Variants in OSTN observed in about 807,000 individuals in gnomAD.
OSTN encodes osteocrin.
OSTN carries 9 observed loss-of-function variants against 12.0 expected under a neutral mutation model. The ratio of observed to expected loss-of-function variants is 0.75; its 90% CI spans 0.45 to 1.30. The LOEUF is 1.30. Among genes scored for constraint, OSTN ranks in the 50% most tolerant of loss-of-function variants. OSTN has a pLI of 0.00. For missense variants in OSTN, 148 were observed against 152.3 expected, an observed-to-expected ratio of 0.97 and a Z score of 0.15; for synonymous variants, 59 against 56.9, an observed-to-expected ratio of 1.04 and a Z score of -0.16.
Position 191,242,834 on chromosome 3 carries a change from C to T in OSTN, c.318-7203C>T, listed in dbSNP as rs139082616. Among the ~76,000 whole-genome samples, 655 of 151,996 alleles carry T rather than the reference C, an allele frequency of 4.3e-3. 17 individuals are homozygous for T. Among genetic ancestry groups the T allele is most frequent in the Admixed American group, 0.037 (571 of 15,282 alleles). On this transcript the variant is annotated intron_variant, in intron 3 of 4. Coordinates refer to ENST00000682035, the MANE Select transcript of OSTN (RefSeq NM_198184.2). ...ATGCAAAAATATTGATGTTTTAAAA[C>T]CACATCAAAGATTTTTTAAAAAATC...
At chr3:191,213,399 A>C (rs912336804) in intron 2 of OSTN, 2 of 152,328 alleles carry the variant, frequency 1.3e-5, no homozygotes, top group East Asian at 3.9e-4. Context: ...GGAGCAAGCC[A>C]GTTATCTAAA....
intron 3 of OSTN, among the ~76,000 whole-genome samples, chr3:191,241,736 G>T (rs760672872): frequency 1.3e-5 from 2 of 152,112 alleles, no homozygotes; most frequent in African/African-American, 4.8e-5. Flanking sequence ...AATTTTCAAC[G>T]AAGTGCTATT....
chr3:191,228,842 T>C (rs1714978680), intron 3 of OSTN: 1 of 152,196 alleles, frequency 6.6e-6, no homozygotes, highest in East Asian at 1.9e-4. Context: ...CTTTATACAA[T>C]TATTATGGCT....
At chr3:191,232,506 CTA>C (rs150235705) in intron 3 of OSTN, among the ~76,000 whole-genome samples, 45 of 146,338 alleles carry the variant, frequency 3.1e-4, no homozygotes, top group Admixed American at 6.8e-4. Flanking sequence ...AAAGTAAATG[CTA>C]TATATATATA....
Position 191,227,225 on chromosome 3 carries a change from C to T in OSTN, c.317+8264C>T, listed in dbSNP as rs141021607. On this transcript the variant is annotated intron_variant, in intron 3 of 4. Transcript: ENST00000682035. ...GAAAAAAATGCAAATTGCCTTTAGC[C>T]ATGTGAAAAGATGCATAACATTCTT... Among the ~76,000 whole-genome samples, 105 of 152,026 alleles carry T rather than the reference C, an allele frequency of 6.9e-4. 1 individual carries two copies. The East Asian group carries it at 0.018, about 26-fold the overall frequency.
intron 4 of OSTN, among the ~76,000 whole-genome samples, chr3:191,252,952 C>A (rs554620988): frequency 3.5e-4 from 54 of 152,294 alleles, no homozygotes; most frequent in African/African-American, 1.1e-3. Context: ...TTTAATCCAA[C>A]CCCATTTTTT....
At chr3:191,255,483 C>A (rs1456123658) in intron 4 of OSTN, among the ~76,000 whole-genome samples, 1 of 152,140 alleles carries the variant, frequency 6.6e-6, no homozygotes. Flanking sequence ...TAAAAATATA[C>A]CACTCCACTC....
chr3:191,250,248 GT>G, intron 4 of OSTN, 115 bp downstream of exon 4: 1 of 766,976 alleles, frequency 1.3e-6, no homozygotes, highest in Non-Finnish European at 2.1e-6. Flanking sequence ...TAGCTTATCA[GT>G]TCACTTTTTC....
chr3:191,256,229 C>T (rs1715666700), intron 4 of OSTN, among the ~76,000 whole-genome samples: 2 of 152,024 alleles, frequency 1.3e-5, no homozygotes, highest in Non-Finnish European at 2.9e-5. Context: ...AATTTTAGAA[C>T]ACATCTTAAT....
intron 4 of OSTN, among the ~76,000 whole-genome samples, chr3:191,259,647 G>A (rs1416234755): frequency 6.6e-6 from 1 of 151,908 alleles, no homozygotes; most frequent in East Asian, 1.9e-4. Flanking sequence ...CAAACCAACA[G>A]GGCCCCCTGA....
In OSTN at chr3:191,264,772, G is replaced by C. The variant is rs1715884356; in HGVS notation, c.*1919G>C. On this transcript the variant is annotated 3_prime_UTR_variant, in exon 5 of 5. Coordinates refer to ENST00000682035, the MANE Select transcript of OSTN (RefSeq NM_198184.2). ...CTAATCCAATTGGGTTCTGCTTCAT[G>C]CTTTGACAAAAGGTATTAAAACCTA... 6.6e-6 allele frequency: 1 copy of C among 152,078 alleles called. No homozygotes were observed. Among genetic ancestry groups the C allele is most frequent in the African/African-American group, 2.4e-5 (1 of 41,432 alleles). 9.4% of individuals were successfully genotyped at this position (152,078 alleles called of 1,614,324 possible).
At chr3:191,215,621 G>C (rs2108592596) in intron 2 of OSTN, among the ~76,000 whole-genome samples, 1 of 152,334 alleles carries the variant, frequency 6.6e-6, no homozygotes, top group South Asian at 2.1e-4. Flanking sequence ...CCAAAACAAA[G>C]GGGCCACAGA....
intron 3 of OSTN, among the ~76,000 whole-genome samples, chr3:191,236,341 G>C (rs749069090): frequency 6.6e-6 from 1 of 151,950 alleles, no homozygotes; most frequent in Non-Finnish European, 1.5e-5. Flanking sequence ...TACCAGAAAG[G>C]GGTCCCGAAC....
At chr3:191,232,766 C>T (rs531097436) in intron 3 of OSTN, among the ~76,000 whole-genome samples, 2 of 151,958 alleles carry the variant, frequency 1.3e-5, no homozygotes, top group Non-Finnish European at 2.9e-5. Context: ...AGGTGCCTGC[C>T]ACCACACCTG....
At chr3:191,241,492 G>A (rs2108547273) in intron 3 of OSTN, among the ~76,000 whole-genome samples, 1 of 152,134 alleles carries the variant, frequency 6.6e-6, no homozygotes, top group Middle Eastern at 3.4e-3. Flanking sequence ...CCAGCTCTGT[G>A]CCTTTCTTAA....
At chr3:191,232,998 T>C (rs1715099889) in intron 3 of OSTN, among the ~76,000 whole-genome samples, 1 of 152,154 alleles carries the variant, frequency 6.6e-6, no homozygotes, top group Admixed American at 6.6e-5. Context: ...CTGAATTATA[T>C]TGCTCCATAA....
rs552915652 is a variant in OSTN at position 191,251,891 on chromosome 3, A to C, written c.*12+1758A>C. On this transcript the variant is annotated intron_variant, in intron 4 of 4. Coordinates refer to ENST00000682035, the MANE Select transcript of OSTN (RefSeq NM_198184.2). ...AACCAAGTAACTCTTTGAGTCCTCC[A>C]GTTTCTTGATGTTCTGAGAACATTA... Among the ~76,000 whole-genome samples, 180 of 152,346 alleles carry C rather than the reference A, an allele frequency of 1.2e-3. 1 individual carries two copies. Among genetic ancestry groups the C allele is most frequent in the African/African-American group, 4.1e-3 (171 of 41,592 alleles).
intron 1 of OSTN, among the ~76,000 whole-genome samples, chr3:191,209,535 G>A (rs138483976): frequency 3.9e-5 from 6 of 152,318 alleles, no homozygotes; most frequent in East Asian, 1.9e-4. Flanking sequence ...CTAGCATTAT[G>A]AGACAAGATT....
At chr3:191,218,197 T>G (rs1714669930) in intron 2 of OSTN, among the ~76,000 whole-genome samples, 1 of 152,190 alleles carries the variant, frequency 6.6e-6, no homozygotes, top group South Asian at 2.1e-4. Flanking sequence ...GATCCGTAAA[T>G]ATGCTAAATT....
Sources: allele counts gnomAD v4.1 joint callset (sites outside exome capture counted in the v4.1 genomes callset), GRCh38; gene constraint gnomAD v4.1.1; transcripts MANE v1.5; gene names NCBI Gene and HGNC (gene_info 2026-07-23, HGNC 2026-07-21).